The following LFNG variants were observed in gnomAD, a reference collection of about 807,000 sequenced individuals.
LFNG encodes LFNG O-fucosylpeptide 3-beta-N-acetylglucosaminyltransferase, also known as beta-1,3-N-acetylglucosaminyltransferase lunatic fringe.
In LFNG, 15 loss-of-function variants were observed where a neutral mutation model predicts 32.7. The observed-to-expected ratio is 0.46, with a 90% CI of 0.31 to 0.71. The LOEUF is 0.71. Ranked by LOEUF, LFNG falls within the 30% of genes least tolerant of loss-of-function variation. The pLI is 0.06. For synonymous variants in LFNG, 274 were observed against 246.8 expected (o/e 1.11, Z -1.03); for missense variants, 520 against 545.7 (o/e 0.95, Z 0.47).
At position 2,520,470 on chromosome 7, in the gene LFNG, C is replaced by G. The variant is rs901029861; in HGVS notation, c.432+177C>G. Reference sequence around the variant, plus strand: ...AGTTTGCCTGCTGGGGCCACTCTCCCGTTACAGTTGTGTTACTGTCCCCGG... The same window carrying G: ...AGTTTGCCTGCTGGGGCCACTCTCCGGTTACAGTTGTGTTACTGTCCCCGG... On this transcript the variant is annotated intron_variant, in intron 1 of 7. Coordinates refer to ENST00000222725, the MANE Select transcript of LFNG (RefSeq NM_001040167.2). The surrounding 1 kb of genome is among the most constrained non-coding windows in gnomAD (Gnocchi z 5.0). 6.6e-6 allele frequency among the ~76,000 whole-genome samples: 1 copy of G among 152,210 alleles called. No individual in the cohort carries two copies. Among genetic ancestry groups the G allele is most frequent in the African/African-American group, 2.4e-5 (1 of 41,462 alleles).
chr7:2,520,223 C>A lies in LFNG; in HGVS notation c.362C>A (p.Thr121Asn). ...APRDVFIAVK[T>N]TKKFHRARLD... is the part of the protein sequence containing the mutation. Reference sequence around the variant, plus strand: ...CGAGACGTCTTCATCGCTGTCAAGACCACCAAAAAGTTCCACCGCGCGCGC... The same window carrying A: ...CGAGACGTCTTCATCGCTGTCAAGAACACCAAAAAGTTCCACCGCGCGCGC... Residue 121 changes from threonine to asparagine, a missense_variant, in exon 1 of 8, where the codon ACC becomes AAC. Coordinates refer to ENST00000222725, the MANE Select transcript of LFNG (RefSeq NM_001040167.2). This position sits in a 1 kb window ranked among gnomAD's most constrained non-coding sequence, Gnocchi z 5.0. 6.2e-7 allele frequency: 1 copy of A among 1,609,420 alleles called. No individual in the cohort carries two copies. The highest frequency in any genetic ancestry group is 8.5e-7 in the Non-Finnish European group (1 of 1,178,444).
chr7:2,520,350 TC>T lies in LFNG; in HGVS notation c.432+59del. 6.8e-7 allele frequency: 1 copy of T among 1,481,098 alleles called. No individual in the cohort carries two copies. The highest frequency in any genetic ancestry group is 1.4e-5 in the African/African-American group (1 of 70,778). The allele number at this position is 1,481,098 out of a possible 1,614,324, so 91.7% of individuals were successfully genotyped here. ...AGCGGGGCGGGGACCCACCATCTGG[TC>T]CAGCTGGTGGCAGTGTCCCATGGGA... On this transcript the variant is annotated intron_variant, in intron 1 of 7. Coordinates refer to ENST00000222725, the MANE Select transcript of LFNG (RefSeq NM_001040167.2). The surrounding 1 kb of genome is among the most constrained non-coding windows in gnomAD (Gnocchi z 5.0).
upstream of LFNG, chr7:2,513,034 A>T: frequency 1.1e-6 from 1 of 915,214 alleles, no homozygotes; most frequent in Non-Finnish European, 1.7e-6. Context: ...AAGACTTTCC[A>T]GAAGTCCCCT....
At chr7:2,519,107 C>T (rs182198919), upstream of LFNG, among the ~76,000 whole-genome samples, 116 of 152,326 alleles carry the variant, frequency 7.6e-4, 1 homozygote, top group East Asian at 0.021. Context: ...GGGGAGCCAA[C>T]CCTCCCGACG....
At chr7:2,518,900 G>C (rs1779697204), upstream of LFNG, among the ~76,000 whole-genome samples, 1 of 152,078 alleles carries the variant, frequency 6.6e-6, no homozygotes, top group Non-Finnish European at 1.5e-5. Flanking sequence ...CCCCGCTCGT[G>C]CGAGGGGCGG....
Position 2,519,780 on chromosome 7 carries a change from C to A in LFNG, c.-82C>A, listed in dbSNP as rs1315892211. On this transcript the variant is annotated 5_prime_UTR_variant, in exon 1 of 8. The change creates a new upstream start codon in the 5' untranslated region. Transcript: ENST00000222725. ...GGGACACTGGTGCTGCGCTGCTGGACTGCGCCGCCGGAGCGACGGGCTTCG... is the reference window on the plus strand; with the variant it reads ...GGGACACTGGTGCTGCGCTGCTGGAATGCGCCGCCGGAGCGACGGGCTTCG... 1.2e-6 allele frequency: 1 copy of A among 838,540 alleles called. No individual in the cohort carries two copies. The highest frequency in any genetic ancestry group is 1.4e-6 in the Non-Finnish European group (1 of 691,148). 51.9% of individuals were successfully genotyped at this position (838,540 alleles called of 1,614,324 possible). A position where few individuals can be genotyped will look rare whatever the true frequency, so the allele number is the denominator to read the frequency against.
In LFNG at chr7:2,526,235, CT is replaced by C; in HGVS notation, c.822-8del. The stretch of plus-strand genomic sequence containing the variant: ...TCTGCTCACTGGTCTGGGCCCTTCC[CT>C]CCCGCAGCGGGGGTCACTTCATGAA... On this transcript the variant is annotated splice_region_variant and splice_polypyrimidine_tract_variant and intron_variant, in intron 5 of 7. Transcript: ENST00000222725. This position sits in a 1 kb window ranked among gnomAD's most constrained non-coding sequence, Gnocchi z 6.9. 2 of 1,612,688 alleles carry C rather than the reference CT, an allele frequency of 1.2e-6. No homozygotes were observed. The highest frequency in any genetic ancestry group is 1.7e-6 in the Non-Finnish European group (2 of 1,179,942).
upstream of LFNG, among the ~76,000 whole-genome samples, chr7:2,515,951 CT>C (rs1779617955): frequency 3.3e-5 from 5 of 152,236 alleles, no homozygotes; most frequent in South Asian, 1.0e-3. Flanking sequence ...CCCAGCCAAC[CT>C]TCCCATCACC....
At chr7:2,513,175 A>G, upstream of LFNG, 1 of 1,613,836 alleles carries the variant, frequency 6.2e-7, no homozygotes. Context: ...AGATCTGGGC[A>G]TGGAGCAAAT....
chr7:2,517,682 C>T (rs1164348477), upstream of LFNG: 2 of 461,328 alleles, frequency 4.3e-6, no homozygotes, highest in Non-Finnish European at 8.7e-6. Context: ...TGGCACCCAC[C>T]ATCGGTGCCA....
At chr7:2,513,238 C>A, upstream of LFNG, 3 of 1,593,538 alleles carry the variant, frequency 1.9e-6, no homozygotes, top group African/African-American at 3.2e-5. Flanking sequence ...GATGGACGGA[C>A]AGATGGACAG....
At chr7:2,514,796 ATTCATCTGTCGG>A (rs1355603311), upstream of LFNG, among the ~76,000 whole-genome samples, 1 of 146,808 alleles carries the variant, frequency 6.8e-6, no homozygotes, top group African/African-American at 2.6e-5. Flanking sequence ...CCATCCATCC[ATTCATCTGTCGG>A]TCTGTCTGTC....
chr7:2,526,691 C>T lies in LFNG; in HGVS notation c.988-145C>T. The T allele has an allele frequency of 1.3e-6, 1 of 798,042 alleles. No individual in the cohort carries two copies. The highest frequency in any genetic ancestry group is 1.7e-5 in the African/African-American group (1 of 58,008). The allele number at this position is 798,042 out of a possible 1,614,324, so 49.4% of individuals were successfully genotyped here. On this transcript the variant is annotated intron_variant, in intron 6 of 7. Transcript: ENST00000222725. This position sits in a 1 kb window ranked among gnomAD's most constrained non-coding sequence, Gnocchi z 6.9. The stretch of plus-strand genomic sequence containing the variant: ...CTGGTCCCCAGTTTGGGACCTTATT[C>T]CTGGGGTGTGCAGGGCAGGTGTCCT...
At chr7:2,529,057 A>T (rs575786854), downstream of LFNG, 103 of 427,820 alleles carry the variant, frequency 2.4e-4, no homozygotes, top group African/African-American at 2.0e-3. This position sits in a 1 kb window ranked among gnomAD's most constrained non-coding sequence, Gnocchi z 4.2. Flanking sequence ...GGGTGGTGGG[A>T]AGAGTCCTGG....
chr7:2,519,802 T>A lies in LFNG; in HGVS notation c.-60T>A. ...GGACTGCGCCGCCGGAGCGACGGGC[T>A]TCGGGTCGGTGCAAGGCAGGCGCAC... On this transcript the variant is annotated 5_prime_UTR_variant, in exon 1 of 8. Transcript: ENST00000222725. The A allele has an allele frequency of 3.1e-6, 3 of 982,118 alleles. No individual in the cohort carries two copies. In the South Asian group the frequency reaches 1.4e-4, roughly 46 times the overall value. 60.8% of individuals were successfully genotyped at this position (982,118 alleles called of 1,614,324 possible). A position where few individuals can be genotyped will look rare whatever the true frequency, so the allele number is the denominator to read the frequency against.
chr7:2,514,516 GTCCATCCA>G (rs1201948500), upstream of LFNG, among the ~76,000 whole-genome samples: 1 of 151,274 alleles, frequency 6.6e-6, no homozygotes, highest in Admixed American at 6.6e-5. Context: ...CCATTCACCT[GTCCATCCA>G]TCCATCCATC....
rs1048317674 is a variant in LFNG at position 2,527,715 on chromosome 7, C to G, written c.*503C>G. The G allele has an allele frequency of 9.5e-7, 1 of 1,049,842 alleles. No individual in the cohort carries two copies. The highest frequency in any genetic ancestry group is 1.7e-5 in the African/African-American group (1 of 59,660). 65.0% of individuals were successfully genotyped at this position (1,049,842 alleles called of 1,614,324 possible). A position where few individuals can be genotyped will look rare whatever the true frequency, so the allele number is the denominator to read the frequency against. On this transcript the variant is annotated 3_prime_UTR_variant, in exon 8 of 8. Coordinates refer to ENST00000222725, the MANE Select transcript of LFNG (RefSeq NM_001040167.2). This position sits in a 1 kb window ranked among gnomAD's most constrained non-coding sequence, Gnocchi z 4.4. ...GCAGGGGAGGCTGGGTCTGGGGGTG[C>G]GTGACCCAATCCCCTTCCTCCTGGC...
chr7:2,525,289 G>C lies in LFNG; in HGVS notation c.552G>C (p.Glu184Asp). The change falls in exon 3 of 8, where the codon GAG (glutamate) becomes GAC (aspartate). Residue 184 changes from glutamate (E) to aspartate (D), a missense_variant. Physicochemically the swap from Glu to Asp is conservative, Grantham distance 45. Transcript: ENST00000222725. The part of the protein sequence containing the change: ...RQALSCKMAV[E>D]YDRFIESGRK... ...CGCTGTCCTGCAAGATGGCCGTGGA[G>C]TATGACCGCTTCATCGAGTCCGGCA... The C allele has an allele frequency of 1.2e-6, 2 of 1,613,028 alleles. No homozygotes were observed. The highest frequency in any genetic ancestry group is 1.7e-6 in the Non-Finnish European group (2 of 1,179,888).
At chr7:2,521,217 G>A (rs1779779574) in intron 1 of LFNG, among the ~76,000 whole-genome samples, 1 of 152,114 alleles carries the variant, frequency 6.6e-6, no homozygotes, top group Non-Finnish European at 1.5e-5. Flanking sequence ...AGGTCATGAG[G>A]GCGACGGGGA....
Sources: allele counts gnomAD v4.1 joint callset (sites outside exome capture counted in the v4.1 genomes callset), GRCh38; gene constraint gnomAD v4.1.1; non-coding constraint Gnocchi (gnomAD v3.1); transcripts MANE v1.5; gene names NCBI Gene and HGNC (gene_info 2026-07-23, HGNC 2026-07-21).